The following MAPKAP1 variants were observed in gnomAD, a reference collection of about 807,000 sequenced individuals.
MAPKAP1 encodes the protein MAPK associated protein 1.
MAPKAP1 carries 20 observed loss-of-function variants against 65.7 expected under a neutral mutation model. The observed-to-expected ratio is 0.30, with a 90% confidence interval of 0.21 to 0.44. The LOEUF (loss-of-function observed/expected upper bound fraction) is 0.44. MAPKAP1 is among the 20% of genes least tolerant of loss of function. The probability of loss-of-function intolerance (pLI) is 1.00; values close to 1 mark genes in which losing one functional copy is unlikely to be tolerated. For missense variants in MAPKAP1, 423 were observed against 648.0 expected, an observed-to-expected ratio of 0.65 and a Z score of 3.77; for synonymous variants, 222 against 244.3, an observed-to-expected ratio of 0.91 and a Z score of 0.85.
At chr9:125,636,024 C>T (rs954448945) in intron 4 of MAPKAP1, among the ~76,000 whole-genome samples, 39 of 152,340 alleles carry the variant, frequency 2.6e-4, no homozygotes, top group African/African-American at 8.7e-4. Context: ...GTATCAGCTG[C>T]GGCTGGTGTA....
intron 4 of MAPKAP1, among the ~76,000 whole-genome samples, chr9:125,651,691 T>C (rs1833897715): frequency 6.6e-6 from 1 of 152,208 alleles, no homozygotes. Context: ...ATAGTCACTC[T>C]AGATTTATCT....
intron 4 of MAPKAP1, among the ~76,000 whole-genome samples, chr9:125,626,921 C>T (rs1171233674): frequency 6.6e-6 from 1 of 152,220 alleles, no homozygotes; most frequent in Non-Finnish European, 1.5e-5. Flanking sequence ...ATTTAATTAT[C>T]AGTACAATCT....
At chr9:125,511,748 C>G (rs1354725739) in intron 7 of MAPKAP1, among the ~76,000 whole-genome samples, 1 of 152,114 alleles carries the variant, frequency 6.6e-6, no homozygotes, top group Non-Finnish European at 1.5e-5. Flanking sequence ...CTGAACAGGA[C>G]AAGGTTCTCA....
At chr9:125,701,850 T>C (rs1021554402) in intron 1 of MAPKAP1, among the ~76,000 whole-genome samples, 14 of 152,306 alleles carry the variant, frequency 9.2e-5, no homozygotes, top group Non-Finnish European at 1.6e-4. Context: ...GATTATACAA[T>C]AAAAGCATTG....
intron 4 of MAPKAP1, among the ~76,000 whole-genome samples, chr9:125,656,755 C>T (rs773194382): frequency 2.0e-5 from 3 of 152,116 alleles, no homozygotes; most frequent in African/African-American, 2.4e-5. Flanking sequence ...ACACCACTGC[C>T]AGACAGCAAA....
At chr9:125,522,769 T>G (rs1286442783) in intron 7 of MAPKAP1, among the ~76,000 whole-genome samples, 2 of 152,196 alleles carry the variant, frequency 1.3e-5, no homozygotes, top group Non-Finnish European at 2.9e-5. Context: ...AGATGCAAAT[T>G]CCTTACCCCA....
chr9:125,668,851 G>A (rs887474302), intron 3 of MAPKAP1, among the ~76,000 whole-genome samples: 6 of 152,196 alleles, frequency 3.9e-5, no homozygotes, highest in African/African-American at 1.4e-4. Context: ...GTCTAGGTTG[G>A]AACTGCCAAG....
chr9:125,602,768 C>T (rs1157427354), intron 4 of MAPKAP1, among the ~76,000 whole-genome samples: 2 of 152,152 alleles, frequency 1.3e-5, no homozygotes, highest in African/African-American at 4.8e-5. Flanking sequence ...CTGTGAGGAT[C>T]GCTCATTCCC....
chr9:125,545,490 G>GT lies in MAPKAP1; in HGVS notation c.849-2323dup, dbSNP rs1218982917. Among the ~76,000 whole-genome samples the GT allele has an allele frequency of 3.9e-5, 6 of 152,192 alleles. No individual in the cohort carries two copies. In the East Asian group the frequency reaches 9.6e-4, roughly 24 times the overall value. On this transcript the variant is annotated intron_variant, in intron 6 of 11. Coordinates refer to ENST00000265960, the MANE Select transcript of MAPKAP1 (RefSeq NM_001006617.3). ...GAGTAGGGCCTAAAAGAGAACACAA[G>GT]TTCTCGGGTACTCACAAACTAGTAC...
At chr9:125,644,772 C>T (rs1409097773) in intron 4 of MAPKAP1, among the ~76,000 whole-genome samples, 1 of 152,186 alleles carries the variant, frequency 6.6e-6, no homozygotes, top group African/African-American at 2.4e-5. Flanking sequence ...GGTAGCAAAA[C>T]TGACAAAAAT....
At chr9:125,627,704 G>A (rs1400899235) in intron 4 of MAPKAP1, among the ~76,000 whole-genome samples, 2 of 152,016 alleles carry the variant, frequency 1.3e-5, no homozygotes, top group East Asian at 3.9e-4. Context: ...CTCTTGAATG[G>A]CATAATTCCT....
chr9:125,695,854 G>A lies in MAPKAP1; in HGVS notation c.-70+11117C>T, dbSNP rs370881515. On this transcript the variant is annotated intron_variant, in intron 1 of 11. Coordinates refer to ENST00000265960, the MANE Select transcript of MAPKAP1 (RefSeq NM_001006617.3). ...ATTGCTTCTCCTGCCTCAGCCACCCGAGTAGCTGGGATTATAGGCATGTGC... is the reference window on the plus strand; with the variant it reads ...ATTGCTTCTCCTGCCTCAGCCACCCAAGTAGCTGGGATTATAGGCATGTGC... 1.2e-4 allele frequency among the ~76,000 whole-genome samples: 18 copies of A among 151,772 alleles called. 1 individual carries two copies. The highest frequency in any genetic ancestry group is 9.2e-4 in the Admixed American group (14 of 15,228).
chr9:125,693,578 CATAT>C (rs1296692371), intron 1 of MAPKAP1, among the ~76,000 whole-genome samples: 4 of 150,206 alleles, frequency 2.7e-5, no homozygotes, highest in East Asian at 1.9e-4. Flanking sequence ...CATACACACA[CATAT>C]ATACACGTAT....
chr9:125,629,604 G>T (rs1833216388), intron 4 of MAPKAP1, among the ~76,000 whole-genome samples: 1 of 152,196 alleles, frequency 6.6e-6, no homozygotes, highest in African/African-American at 2.4e-5. Context: ...AGCTGCCAGG[G>T]CTGGGGGCAA....
At chr9:125,699,034 C>T (rs1835518232) in intron 1 of MAPKAP1, among the ~76,000 whole-genome samples, 1 of 152,104 alleles carries the variant, frequency 6.6e-6, no homozygotes. Context: ...GTTGGCATCC[C>T]TTATCTAAAA....
At chr9:125,623,320 C>T (rs1342683062) in intron 4 of MAPKAP1, among the ~76,000 whole-genome samples, 3 of 69,494 alleles carry the variant, frequency 4.3e-5, no homozygotes, top group Admixed American at 1.7e-4. Context: ...GGAGCGTCTC[C>T]GCCCGGCCAC....
chr9:125,697,062 G>A (rs1468221766), intron 1 of MAPKAP1, among the ~76,000 whole-genome samples: 6 of 152,266 alleles, frequency 3.9e-5, no homozygotes, highest in Middle Eastern at 3.4e-3. Flanking sequence ...TGGTAGCACC[G>A]GGATAATGAT....
intron 4 of MAPKAP1, among the ~76,000 whole-genome samples, chr9:125,653,617 C>T (rs1454694478): frequency 6.6e-6 from 1 of 152,128 alleles, no homozygotes; most frequent in Admixed American, 6.5e-5. Context: ...TTCCAAGGTG[C>T]CACATTTTGG....
At chr9:125,482,984 G>T (rs1564526631) in intron 9 of MAPKAP1, among the ~76,000 whole-genome samples, 1 of 152,160 alleles carries the variant, frequency 6.6e-6, no homozygotes, top group Non-Finnish European at 1.5e-5. Context: ...AGGAAACTGG[G>T]GCTCTGCATC....
Sources: gnomAD v4.1 joint callset for allele counts (sites outside exome capture counted in the v4.1 genomes callset) on GRCh38, gnomAD v4.1.1 for gene constraint, MANE v1.5 for transcripts, NCBI Gene and HGNC (gene_info 2026-07-23, HGNC 2026-07-21) for gene names.